The following GYG2 variants were observed in gnomAD, a reference collection of about 807,000 sequenced individuals.
GYG2 encodes glycogenin-2.
In GYG2, 29 loss-of-function variants were observed where a neutral mutation model predicts 29.4. That is an observed-to-expected ratio of 0.99 (90% CI 0.74 to 1.35). The LOEUF (loss-of-function observed/expected upper bound fraction) is 1.35, where lower values mean the gene tolerates loss of function less well. Among genes scored for constraint, GYG2 ranks in the 40% most tolerant of loss-of-function variants. The pLI is 0.00. For synonymous variants in GYG2, 167 were observed against 172.3 expected (o/e 0.97, Z 0.24); for missense variants, 370 against 385.7 (o/e 0.96, Z 0.34).
In GYG2 at chrX:2,830,085, G is replaced by A. The variant is rs895640049; in HGVS notation, c.-104G>A. ...GGCCTGGAAATCCACGCGGATTCCC[G>A]GAGACGGCGCCTCTGCTCTGCGGGT... On this transcript the variant is annotated 5_prime_UTR_variant, in exon 2 of 11. Coordinates refer to ENST00000398806, the MANE Select transcript of GYG2 (RefSeq NM_001079855.2). The A allele has an allele frequency of 9.9e-6, 8 of 804,603 alleles. No homozygotes were observed. The highest frequency in any genetic ancestry group is 6.8e-5 in the South Asian group (3 of 44,122). 66.3% of individuals were successfully genotyped at this position (804,603 alleles called of 1,213,427 possible).
intron 3 of GYG2, among the ~76,000 whole-genome samples, chrX:2,848,914 T>C (rs181072658): frequency 1.8e-5 from 2 of 110,453 alleles, no homozygotes; most frequent in African/African-American, 3.3e-5. Flanking sequence ...TTCGTAGTCA[T>C]GGGGAGAATT....
rs181538640 is a variant in GYG2 at position 2,837,751 on chromosome X, T to C, written c.8-5462T>C. On this transcript the variant is annotated intron_variant, in intron 2 of 10. Coordinates refer to ENST00000398806, the MANE Select transcript of GYG2 (RefSeq NM_001079855.2). ...TGTAAATGGCACTTTATTTTCAGTT[T>C]GACATTACTTTGCTGATGATTCTTT... 7.2e-5 allele frequency among the ~76,000 whole-genome samples: 8 copies of C among 111,186 alleles called. No individual in the cohort carries two copies. In the Admixed American group the frequency reaches 7.7e-4, roughly 11 times the overall value.
chrX:2,878,721 A>G (rs1488059363), intron 10 of GYG2, among the ~76,000 whole-genome samples: 1 of 111,958 alleles, frequency 8.9e-6, no homozygotes, highest in East Asian at 2.8e-4. Flanking sequence ...TCGGTCATTG[A>G]TTTGCTAAAC....
rs1051778653 is a variant in GYG2 at position 2,855,023 on chromosome X, A to C, written c.355A>C (p.Arg119=). ...VLSNVDELFD[R]GEFSAAPDPG... The stretch of plus-strand genomic sequence containing the variant: ...GTCCAATGTCGATGAGCTGTTTGAC[A>C]GGGGAGAGTTTTCTGCGGCCCCGGA... The change falls in exon 5 of 11, where the codon AGG becomes CGG. Residue 119 remains arginine (R), a synonymous_variant. Coordinates refer to ENST00000398806, the MANE Select transcript of GYG2 (RefSeq NM_001079855.2). 5.8e-6 allele frequency: 7 copies of C among 1,211,514 alleles called. No individual in the cohort carries two copies. The highest frequency in any genetic ancestry group is 7.8e-6 in the Non-Finnish European group (7 of 895,187).
chrX:2,843,426 C>T (rs1372628252), intron 3 of GYG2, 72 bp downstream of exon 3: 1 of 842,328 alleles, frequency 1.2e-6, no homozygotes, highest in Non-Finnish European at 1.7e-6. Context: ...CCTAAGAGGT[C>T]CTAGGAGTTA....
intron 8 of GYG2, among the ~76,000 whole-genome samples, chrX:2,867,965 G>A (rs1044825926): frequency 4.6e-5 from 5 of 108,476 alleles, no homozygotes; most frequent in African/African-American, 1.3e-4. Context: ...GCTTGGTGGC[G>A]TGCGCCTGTA....
At position 2,828,985 on chromosome X, in the gene GYG2, G is replaced by C. The variant is rs1555894781; in HGVS notation, c.-129+10G>C. 1 of 110,170 alleles carries C rather than the reference G, an allele frequency of 9.1e-6. No individual in the cohort carries two copies. Among genetic ancestry groups the C allele is most frequent in the Non-Finnish European group, 1.9e-5 (1 of 52,516 alleles). The allele number at this position is 110,170 out of a possible 1,213,427, so 9.1% of individuals were successfully genotyped here. On this transcript the variant is annotated intron_variant, in intron 1 of 10. Coordinates refer to ENST00000398806, the MANE Select transcript of GYG2 (RefSeq NM_001079855.2). ...CCAGAGCGCGGAAGAGGTGCGGGGG[G>C]CTGTAGGGGGCTGCAGGGGACCGTG...
chrX:2,880,083 G>A (rs1254290135), intron 10 of GYG2, among the ~76,000 whole-genome samples: 1 of 111,771 alleles, frequency 8.9e-6, no homozygotes, highest in Non-Finnish European at 1.9e-5. Context: ...ATTTTTAAGA[G>A]TCTTTTTCTA....
chrX:2,870,136 T>A (rs1290012282), intron 8 of GYG2, among the ~76,000 whole-genome samples: 2 of 110,712 alleles, frequency 1.8e-5, no homozygotes, highest in Non-Finnish European at 3.8e-5. Flanking sequence ...TTTTTTACTC[T>A]TTTTGTAGTG....
rs181642974 is a variant in GYG2 at position 2,854,975 on chromosome X, C to T, written c.325-18C>T. Reference sequence around the variant, plus strand: ...AAAAGAAGCATTGCGGCGGGTTCTGCGTGTTTTGCTTCACCAGGTGCTGTC... The same window carrying T: ...AAAAGAAGCATTGCGGCGGGTTCTGTGTGTTTTGCTTCACCAGGTGCTGTC... On this transcript the variant is annotated intron_variant, in intron 4 of 10. Transcript: ENST00000398806. 1.3e-5 allele frequency: 16 copies of T among 1,202,017 alleles called. No individual in the cohort carries two copies. Among genetic ancestry groups the T allele is most frequent in the African/African-American group, 5.2e-5 (3 of 57,167 alleles).
chrX:2,876,029 CTCCCTTTTTT>C (rs1390314469), intron 9 of GYG2, 115 bp downstream of exon 9: 1 of 275,516 alleles, frequency 3.6e-6, no homozygotes, highest in African/African-American at 3.7e-5. Flanking sequence ...TTAAAAATTC[CTCCCTTTTTT>C]TTTTTTTTTT....
chrX:2,831,096 A>G (rs900761399), intron 2 of GYG2, among the ~76,000 whole-genome samples: 10 of 112,856 alleles, frequency 8.9e-5, no homozygotes, highest in Non-Finnish European at 1.7e-4. Context: ...AGATATGTGA[A>G]CAGAGTGTAA....
intron 4 of GYG2, among the ~76,000 whole-genome samples, 177 bp from the exon 5 acceptor site, chrX:2,854,816 C>A (rs1232017272): frequency 8.9e-6 from 1 of 111,873 alleles, no homozygotes; most frequent in Admixed American, 9.5e-5. Flanking sequence ...CCTGTAATCC[C>A]AGCTACTCAA....
At chrX:2,855,307 T>G in intron 5 of GYG2, 152 bp downstream of exon 5, 2 of 490,662 alleles carry the variant, frequency 4.1e-6, no homozygotes, top group Non-Finnish European at 6.9e-6. Flanking sequence ...ATTTTGTCAT[T>G]GTATGAACGT....
chrX:2,861,546 C>G lies in GYG2; in HGVS notation c.862C>G (p.Pro288Ala), dbSNP rs532575315. The G allele has an allele frequency of 4.0e-4, 482 of 1,204,680 alleles. 3 individuals carry two copies. The highest frequency in any genetic ancestry group is 1.8e-5 in the Non-Finnish European group (16 of 891,881). The change falls in exon 8 of 11, where the codon CCG becomes GCG. Residue 288 changes from proline (P) to alanine (A), a missense_variant. Pro to Ala is a conservative substitution (Grantham distance 27). Coordinates refer to ENST00000398806, the MANE Select transcript of GYG2 (RefSeq NM_001079855.2). ...GCTTTGCCACAGTGATGTGGGGGGG[C>G]CGTGTGCGGATTCAGCCTCTGGTGT... ...HTLCHSDVGGPCADSASGVGE... is the reference protein window; with the variant it reads ...HTLCHSDVGGACADSASGVGE...
rs772854040 is a variant in GYG2 at position 2,881,039 on chromosome X, C to T, written c.1252-13C>T. 16 of 1,206,011 alleles carry T rather than the reference C, an allele frequency of 1.3e-5. No homozygotes were observed. Among genetic ancestry groups the T allele is most frequent in the African/African-American group, 1.7e-5 (1 of 57,194 alleles). On this transcript the variant is annotated splice_polypyrimidine_tract_variant and intron_variant, in intron 10 of 10. Coordinates refer to ENST00000398806, the MANE Select transcript of GYG2 (RefSeq NM_001079855.2). ...AGCTGCAAAAACCATCTCCCACTGA[C>T]TGTCTTCCCTAGGTCGACCTGGCCG...
intron 2 of GYG2, among the ~76,000 whole-genome samples, chrX:2,841,314 T>C (rs1413329435): frequency 4.6e-5 from 5 of 107,974 alleles, no homozygotes; most frequent in Admixed American, 2.0e-4. Context: ...GATGAATGGA[T>C]GGATAGATAG....
intron 8 of GYG2, among the ~76,000 whole-genome samples, chrX:2,871,685 G>T (rs1206104407): frequency 1.0e-5 from 1 of 99,752 alleles, no homozygotes; most frequent in Non-Finnish European, 2.0e-5. Context: ...ACGAGACTCC[G>T]TCTCAAATAA....
intron 3 of GYG2, among the ~76,000 whole-genome samples, chrX:2,844,984 A>T (rs2147161920): frequency 1.1e-5 from 1 of 90,910 alleles, no homozygotes; most frequent in South Asian, 4.7e-4. Flanking sequence ...ATATACATGT[A>T]TTATATATGT....
Sources: gnomAD v4.1 joint callset for allele counts (sites outside exome capture counted in the v4.1 genomes callset) on GRCh38, gnomAD v4.1.1 for gene constraint, MANE v1.5 for transcripts, NCBI Gene and HGNC (gene_info 2026-07-23, HGNC 2026-07-21) for gene names.